The following FREM1 variants were observed in gnomAD, a reference collection of about 807,000 sequenced individuals.
FREM1 encodes the protein FRAS1 related extracellular matrix 1.
Under a neutral mutation model 210.1 loss-of-function variants are expected in FREM1, and 220 were observed. The observed-to-expected ratio is 1.05, with a 90% CI of 0.94 to 1.17. The LOEUF (loss-of-function observed/expected upper bound fraction) is 1.17, where lower values mean the gene tolerates loss of function less well. Among genes scored for constraint, FREM1 ranks in the 50% most tolerant of loss-of-function variants. FREM1 has a pLI of 0.00. For synonymous variants in FREM1, 1,189 were observed against 980.2 expected (o/e 1.21, Z -3.98); for missense variants, 3,454 against 2,675.5 (o/e 1.29, Z -6.42).
chr9:14,791,416 G>C (rs1012122398), intron 22 of FREM1, among the ~76,000 whole-genome samples: 9 of 152,072 alleles, frequency 5.9e-5, no homozygotes, highest in African/African-American at 2.2e-4. Context: ...ACAATTCCAG[G>C]AATGTTAATT....
chr9:14,791,985 C>T (rs1588003241), intron 22 of FREM1, among the ~76,000 whole-genome samples: 1 of 152,156 alleles, frequency 6.6e-6, no homozygotes, highest in East Asian at 1.9e-4. Context: ...GCTGGGATTA[C>T]ATGTGTGTGC....
chr9:14,823,270 G>A lies in FREM1; in HGVS notation c.2227C>T (p.His743Tyr). ...YMPPMQDIGP[H>Y]CRDVQFTFSV... The stretch of plus-strand genomic sequence containing the variant: ...AATGTGAACTGGACATCTCTGCAAT[G>A]GGGACCAATGTCTTGCATGGGGGGC... Residue 743 changes from histidine (H) to tyrosine (Y), a missense_variant, in exon 13 of 37, where the codon CAT (histidine) becomes TAT (tyrosine). By Grantham distance (83) the His-to-Tyr change is moderately conservative. Transcript: ENST00000380880. 1.2e-6 allele frequency: 2 copies of A among 1,613,910 alleles called. No homozygotes were observed. The highest frequency in any genetic ancestry group is 1.7e-6 in the Non-Finnish European group (2 of 1,179,802).
intron 1 of FREM1, among the ~76,000 whole-genome samples, chr9:14,883,302 A>G (rs982607127): frequency 2.7e-4 from 41 of 152,250 alleles, no homozygotes; most frequent in African/African-American, 9.9e-4. Flanking sequence ...CAAATTCAAA[A>G]TCAAACAAAA....
intron 19 of FREM1, among the ~76,000 whole-genome samples, chr9:14,803,088 C>A (rs543358174): frequency 2.1e-5 from 3 of 142,106 alleles, no homozygotes; most frequent in African/African-American, 7.9e-5. Context: ...TCCTTCCTTC[C>A]TCTCTTCTTC....
chr9:14,797,412 G>A (rs1356471402), intron 21 of FREM1, 86 bp downstream of exon 21: 4 of 1,083,180 alleles, frequency 3.7e-6, no homozygotes, highest in Non-Finnish European at 5.0e-6. Context: ...TGCTTCTTTG[G>A]GAGACACACA....
At chr9:14,844,510 C>T (rs1203193771) in intron 8 of FREM1, among the ~76,000 whole-genome samples, 2 of 152,154 alleles carry the variant, frequency 1.3e-5, no homozygotes, top group Admixed American at 6.5e-5. Flanking sequence ...CAGGTGTGAG[C>T]CACTGTGCCC....
rs763283407 is a variant in FREM1 at position 14,746,980 on chromosome 9, G to T, written c.6081C>A (p.Ile2027=). 2 of 1,613,286 alleles carry T rather than the reference G, an allele frequency of 1.2e-6. No individual in the cohort carries two copies. Among genetic ancestry groups the T allele is most frequent in the South Asian group, 1.1e-5 (1 of 90,920 alleles). Residue 2027 remains isoleucine, a synonymous_variant, in exon 34 of 37, where the codon ATC becomes ATA. Transcript: ENST00000380880. ...TCCCATTGCACTGATACAGCTTCTG[G>T]ATGCCTTCTTCAAAATGGAAGAGTC... The part of the protein sequence containing the change: ...LKGLFHFEEG[I]QKLYQCNGIA...
At chr9:14,818,475 T>A (rs1484236755) in intron 14 of FREM1, among the ~76,000 whole-genome samples, 4 of 152,232 alleles carry the variant, frequency 2.6e-5, no homozygotes, top group South Asian at 2.1e-4. Context: ...CCTATCATAC[T>A]TTATCTAAAG....
chr9:14,872,162 G>C (rs1274806330), intron 1 of FREM1, among the ~76,000 whole-genome samples: 11 of 152,060 alleles, frequency 7.2e-5, no homozygotes, highest in Admixed American at 6.6e-5. Flanking sequence ...CTCTTTTTTG[G>C]TTCCATATGA....
chr9:14,829,842 A>T (rs943721089), intron 10 of FREM1, among the ~76,000 whole-genome samples: 2 of 152,208 alleles, frequency 1.3e-5, no homozygotes, highest in African/African-American at 4.8e-5. Flanking sequence ...TATAGACCTT[A>T]AGCCTTAAGA....
rs1171424607 is a variant in FREM1, at chr9:14,797,530, G to C, written c.3807C>G (p.Ile1269Met). The stretch of plus-strand genomic sequence containing the variant: ...GCATTGGTTTTTCATCATTAACTGG[G>C]ATGACCTCTACTGAAATGGTTTTAA... The part of the protein sequence containing the change: ...KILKTISVEV[I>M]PVNDEKPMLS... Residue 1269 changes from isoleucine to methionine, a missense_variant, in exon 21 of 37, where the codon ATC becomes ATG. Coordinates refer to ENST00000380880, the MANE Select transcript of FREM1 (RefSeq NM_001379081.2). 1.2e-6 allele frequency: 2 copies of C among 1,611,004 alleles called. No individual in the cohort carries two copies. The highest frequency in any genetic ancestry group is 1.1e-5 in the South Asian group (1 of 90,318).
intron 23 of FREM1, 36 bp from the exon 24 acceptor site, chr9:14,784,670 T>C (rs1309147640): frequency 2.1e-6 from 3 of 1,431,158 alleles, no homozygotes; most frequent in African/African-American, 1.4e-5. Flanking sequence ...AATAATCATA[T>C]CAAAAAACAC....
intron 29 of FREM1, among the ~76,000 whole-genome samples, 189 bp downstream of exon 29, chr9:14,756,185 T>C (rs921792665): frequency 1.3e-4 from 20 of 150,844 alleles, no homozygotes; most frequent in Admixed American, 5.9e-4. Flanking sequence ...CATTTGTTAC[T>C]AAAAAAAAAT....
At position 14,856,765 on chromosome 9, in the gene FREM1, A is replaced by G. The variant is rs144758440; in HGVS notation, c.828+788T>C. Among the ~76,000 whole-genome samples the G allele has an allele frequency of 7.0e-3, 1,061 of 151,078 alleles. 16 individuals carry two copies. The highest frequency in any genetic ancestry group is 0.023 in the African/African-American group (956 of 41,004). On this transcript the variant is annotated intron_variant, in intron 5 of 36. Coordinates refer to ENST00000380880, the MANE Select transcript of FREM1 (RefSeq NM_001379081.2). ...GGAGAGTGGCATGAACTTGGGAGGC[A>G]GAGCTTGCAGTGAGCCGACATTATT... is the stretch of plus-strand genomic sequence containing the variant.
At position 14,794,749 on chromosome 9, in the gene FREM1, C is replaced by T. The variant is rs146632366; in HGVS notation, c.3840-1865G>A. On this transcript the variant is annotated intron_variant, in intron 21 of 36. Transcript: ENST00000380880. ...GCGCAGTGCCTCATGCCTGTAATCC[C>T]AGCACTTTTGGAGGCTGAGGCAGGC... 3.5e-3 allele frequency among the ~76,000 whole-genome samples: 525 copies of T among 152,156 alleles called. 10 individuals are homozygous for T. The East Asian group carries it at 0.056, about 16-fold the overall frequency.
At chr9:14,862,843 T>A (rs1218367400) in intron 3 of FREM1, among the ~76,000 whole-genome samples, 1 of 152,202 alleles carries the variant, frequency 6.6e-6, no homozygotes, top group Non-Finnish European at 1.5e-5. Context: ...TGAATGATAT[T>A]CCATTCCATG....
intron 8 of FREM1, among the ~76,000 whole-genome samples, chr9:14,842,925 A>G (rs963669209): frequency 6.6e-6 from 1 of 152,200 alleles, no homozygotes; most frequent in Admixed American, 6.5e-5. Context: ...TACTACTGTG[A>G]TGGTTTTAAC....
intron 1 of FREM1, among the ~76,000 whole-genome samples, chr9:14,899,929 C>T (rs1354265449): frequency 1.3e-5 from 2 of 152,186 alleles, no homozygotes; most frequent in Non-Finnish European, 2.9e-5. Context: ...CTCAGTTCAG[C>T]ACACCAAATT....
chr9:14,792,695 T>C (rs1588011217), intron 22 of FREM1, 48 bp downstream of exon 22: 2 of 1,446,758 alleles, frequency 1.4e-6, no homozygotes, highest in Non-Finnish European at 1.9e-6. Context: ...TGAGAAGATT[T>C]ATACCTGCTA....
Sources: gnomAD v4.1 joint callset for allele counts (sites outside exome capture counted in the v4.1 genomes callset) on GRCh38, gnomAD v4.1.1 for gene constraint, MANE v1.5 for transcripts, NCBI Gene and HGNC (gene_info 2026-07-23, HGNC 2026-07-21) for gene names.